Variants in CSMD2 observed in about 807,000 individuals in gnomAD.
CSMD2 encodes CUB and Sushi multiple domains 2.
CSMD2 carries 130 observed loss-of-function variants against 398.5 expected under a neutral mutation model. The ratio of observed to expected loss-of-function variants is 0.33; its 90% CI spans 0.28 to 0.38. The LOEUF is 0.38. Among genes scored for constraint, CSMD2 ranks in the 10% least tolerant of loss-of-function variants. The pLI is 1.00. For missense variants in CSMD2, 3,829 were observed against 4,764.9 expected, an observed-to-expected ratio of 0.80 and a Z score of 5.78; for synonymous variants, 1,828 against 1,908.5, an observed-to-expected ratio of 0.96 and a Z score of 1.10.
At chr1:34,017,632 C>T (rs1253489196) in intron 3 of CSMD2, among the ~76,000 whole-genome samples, 1 of 152,162 alleles carries the variant, frequency 6.6e-6, no homozygotes, top group South Asian at 2.1e-4. Context: ...ACCTGTAGTT[C>T]CAGCTACTCA....
At position 33,764,452 on chromosome 1, in the gene CSMD2, C is replaced by G. The variant is rs553273987; in HGVS notation, c.1846+8117G>C. 7.2e-5 allele frequency among the ~76,000 whole-genome samples: 11 copies of G among 152,260 alleles called. No individual in the cohort carries two copies. The East Asian group carries it at 1.4e-3, about 19-fold the overall frequency. ...GGAGAATTCTGCAGAGCGGGCACCC[C>G]CTGCTCTGCCTGCCACTAGCAAAGG... On this transcript the variant is annotated intron_variant, in intron 13 of 70. Transcript: ENST00000373381.
At chr1:33,541,332 T>C (rs1442227305) in intron 58 of CSMD2, 23 bp from the exon 59 acceptor site, 2 of 1,602,950 alleles carry the variant, frequency 1.2e-6, no homozygotes, top group South Asian at 2.2e-5. Flanking sequence ...AGATATAGCA[T>C]TGTTCACTCC....
At chr1:33,978,729 C>T (rs1255539817) in intron 3 of CSMD2, among the ~76,000 whole-genome samples, 1 of 152,184 alleles carries the variant, frequency 6.6e-6, no homozygotes, top group Non-Finnish European at 1.5e-5. Flanking sequence ...TTACGAGCCA[C>T]CTAGCCCTGG....
intron 7 of CSMD2, among the ~76,000 whole-genome samples, chr1:33,822,641 G>A (rs1169135471): frequency 6.6e-6 from 1 of 152,128 alleles, no homozygotes; most frequent in African/African-American, 2.4e-5. Context: ...ACCTCAGGCT[G>A]GGAAAGTAAG....
chr1:33,825,606 C>T (rs1658711632), intron 7 of CSMD2, 91 bp downstream of exon 7: 7 of 1,133,226 alleles, frequency 6.2e-6, no homozygotes, highest in African/African-American at 3.1e-5. Context: ...GAAAGTCATT[C>T]CAGCATCATC....
At chr1:33,648,856 T>TA in intron 28 of CSMD2, among the ~76,000 whole-genome samples, 1 of 152,230 alleles carries the variant, frequency 6.6e-6, no homozygotes, top group Non-Finnish European at 1.5e-5. Context: ...TTTCTAATCT[T>TA]AAAAAAATCT....
intron 32 of CSMD2, among the ~76,000 whole-genome samples, chr1:33,630,004 C>T (rs1414737623): frequency 1.3e-5 from 2 of 152,012 alleles, no homozygotes; most frequent in Non-Finnish European, 2.9e-5. Context: ...AGTTTTATAT[C>T]TACAGGTCTT....
intron 9 of CSMD2, among the ~76,000 whole-genome samples, chr1:33,814,415 C>A (rs1657221308): frequency 6.6e-6 from 1 of 152,136 alleles, no homozygotes; most frequent in African/African-American, 2.4e-5. Flanking sequence ...CTCACTCTCT[C>A]ATTCTGCTCA....
chr1:33,623,490 G>T (rs770372025), intron 35 of CSMD2, 24 bp from the exon 36 acceptor site: 2 of 1,577,360 alleles, frequency 1.3e-6, no homozygotes, highest in Admixed American at 1.7e-5. Flanking sequence ...AGAGTGAATT[G>T]TTGGTTAGGC....
intron 2 of CSMD2, among the ~76,000 whole-genome samples, chr1:34,051,129 G>C (rs984716275): frequency 1.3e-5 from 2 of 152,172 alleles, no homozygotes; most frequent in Non-Finnish European, 2.9e-5. Flanking sequence ...ATTATGTCTG[G>C]AATAAAGAAG....
At chr1:34,004,350 G>A (rs1417968275) in intron 3 of CSMD2, among the ~76,000 whole-genome samples, 1 of 152,160 alleles carries the variant, frequency 6.6e-6, no homozygotes, top group Non-Finnish European at 1.5e-5. Context: ...ATTTGAGTAG[G>A]CCTTCTCTCA....
At chr1:34,071,067 CCTTAT>C (rs1412461887) in intron 2 of CSMD2, among the ~76,000 whole-genome samples, 23 of 152,300 alleles carry the variant, frequency 1.5e-4, no homozygotes, top group African/African-American at 5.5e-4. Flanking sequence ...ACGCTTCCTT[CCTTAT>C]GAGACTTAAT....
intron 6 of CSMD2, among the ~76,000 whole-genome samples, chr1:33,838,210 C>T (rs1292983128): frequency 2.6e-5 from 4 of 152,222 alleles, no homozygotes; most frequent in Admixed American, 2.6e-4. Flanking sequence ...GCTGAACCAT[C>T]TTTTCCTTTC....
At chr1:33,553,647 C>T (rs1200894767) in intron 55 of CSMD2, among the ~76,000 whole-genome samples, 1 of 152,120 alleles carries the variant, frequency 6.6e-6, no homozygotes, top group Non-Finnish European at 1.5e-5. Context: ...TGAGACAGCC[C>T]TAAAGCTAAG....
At chr1:33,906,389 A>G (rs1392040452) in intron 5 of CSMD2, among the ~76,000 whole-genome samples, 1 of 152,218 alleles carries the variant, frequency 6.6e-6, no homozygotes, top group Non-Finnish European at 1.5e-5. Context: ...CCATTCTCGT[A>G]GCAGTGAGGA....
At chr1:33,748,123 C>A (rs1290306255) in intron 13 of CSMD2, among the ~76,000 whole-genome samples, 2 of 152,090 alleles carry the variant, frequency 1.3e-5, no homozygotes, top group Non-Finnish European at 2.9e-5. Context: ...GCTCTGTCTT[C>A]CATCTCAAAA....
intron 2 of CSMD2, among the ~76,000 whole-genome samples, chr1:34,079,522 C>A (rs192546143): frequency 9.5e-4 from 145 of 152,138 alleles, no homozygotes; most frequent in Non-Finnish European, 1.9e-3. Flanking sequence ...TGAAGAGGAA[C>A]GATAACATGT....
In CSMD2 at chr1:33,554,420, C is replaced by T. The variant is rs535614649; in HGVS notation, c.8743+3314G>A. ...ATGTTGGCCAGGATGGTCTGAATCTCCTGATCTTGTGATCCACCTGCCTCG... is the reference window on the plus strand; with the variant it reads ...ATGTTGGCCAGGATGGTCTGAATCTTCTGATCTTGTGATCCACCTGCCTCG... On this transcript the variant is annotated intron_variant, in intron 55 of 70. Transcript: ENST00000373381. 1.3e-4 allele frequency among the ~76,000 whole-genome samples: 20 copies of T among 152,162 alleles called. No homozygotes were observed. The South Asian group carries it at 1.7e-3, about 13-fold the overall frequency.
At chr1:34,060,499 C>T (rs557762695) in intron 2 of CSMD2, among the ~76,000 whole-genome samples, 20 of 152,158 alleles carry the variant, frequency 1.3e-4, no homozygotes, top group Non-Finnish European at 2.1e-4. Flanking sequence ...CAGGCAACTG[C>T]GGCAGCCTGG....
Sources: gnomAD v4.1 joint callset for allele counts (sites outside exome capture counted in the v4.1 genomes callset) on GRCh38, gnomAD v4.1.1 for gene constraint, MANE v1.5 for transcripts, NCBI Gene and HGNC (gene_info 2026-07-23, HGNC 2026-07-21) for gene names.